EGFLAM: variants seen among roughly 807,000 people sequenced by gnomAD.
EGFLAM encodes the protein pikachurin.
Under a neutral mutation model 113.1 loss-of-function variants are expected in EGFLAM, and 79 were observed. The observed-to-expected ratio is 0.70, with a 90% CI of 0.58 to 0.84. The LOEUF is 0.84. Ranked by LOEUF, EGFLAM falls within the 40% of genes least tolerant of loss-of-function variation. The probability of loss-of-function intolerance (pLI) is 0.00; values close to 1 mark genes in which losing one functional copy is unlikely to be tolerated. For missense variants in EGFLAM, 1,265 were observed against 1,291.6 expected (o/e 0.98, Z 0.32); for synonymous variants, 504 against 487.6 (o/e 1.03, Z -0.44).
intron 1 of EGFLAM, among the ~76,000 whole-genome samples, chr5:38,329,387 C>A (rs1425035030): frequency 6.6e-6 from 1 of 151,962 alleles, no homozygotes; most frequent in Non-Finnish European, 1.5e-5. Flanking sequence ...AATTTGAGAT[C>A]CCATATTTAA....
intron 1 of EGFLAM, among the ~76,000 whole-genome samples, chr5:38,291,874 G>T (rs10052389): frequency 2.0e-5 from 3 of 152,182 alleles, no homozygotes; most frequent in Admixed American, 2.0e-4. Flanking sequence ...GCTCTTCCTC[G>T]CTTACATGTT....
chr5:38,404,758 G>A (rs2112121537), intron 6 of EGFLAM, among the ~76,000 whole-genome samples: 1 of 152,262 alleles, frequency 6.6e-6, no homozygotes, highest in South Asian at 2.1e-4. Flanking sequence ...CTAAAGGCTG[G>A]TGCCTGGCTT....
At chr5:38,454,633 C>T (rs1389239953) in intron 19 of EGFLAM, among the ~76,000 whole-genome samples, 3 of 152,030 alleles carry the variant, frequency 2.0e-5, no homozygotes, top group African/African-American at 7.2e-5. Context: ...AGTCACGGGC[C>T]CTGCGCCCAA....
chr5:38,422,460 G>A (rs1044738534), intron 12 of EGFLAM, among the ~76,000 whole-genome samples: 1 of 152,266 alleles, frequency 6.6e-6, no homozygotes, highest in Non-Finnish European at 1.5e-5. Context: ...TTTTGGCACT[G>A]CAGCCCCCTT....
intron 17 of EGFLAM, among the ~76,000 whole-genome samples, chr5:38,441,951 T>C (rs1463067669): frequency 6.6e-6 from 1 of 152,086 alleles, no homozygotes; most frequent in Non-Finnish European, 1.5e-5. Context: ...ACAGAGCCAA[T>C]AGCTGTTGAG....
intron 2 of EGFLAM, 73 bp downstream of exon 2, chr5:38,337,702 T>C: frequency 1.6e-6 from 2 of 1,272,054 alleles, no homozygotes; most frequent in Non-Finnish European, 1.1e-6. Context: ...TCCTTGCTTT[T>C]TCTAGATATC....
Position 38,441,593 on chromosome 5 carries a change from TACAC to T in EGFLAM, c.2464+3165_2464+3168del, listed in dbSNP as rs3048229. Among the ~76,000 whole-genome samples, 224 of 147,594 alleles carry T rather than the reference TACAC, an allele frequency of 1.5e-3. 2 individuals are homozygous for T. The highest frequency in any genetic ancestry group is 0.014 in the East Asian group (72 of 5,014). The stretch of plus-strand genomic sequence containing the variant: ...CTGAGGAATATGAATCGCTGCTTTG[TACAC>T]ACACACACACACACACACACACACA... On this transcript the variant is annotated intron_variant, in intron 17 of 21. Coordinates refer to ENST00000322350, the MANE Select transcript of EGFLAM (RefSeq NM_152403.4).
chr5:38,298,790 T>A (rs1579742617), intron 1 of EGFLAM, among the ~76,000 whole-genome samples: 2 of 152,180 alleles, frequency 1.3e-5, no homozygotes, highest in South Asian at 4.2e-4. Flanking sequence ...AGTGTCAACC[T>A]CCTGGGCTCA....
intron 6 of EGFLAM, among the ~76,000 whole-genome samples, chr5:38,383,669 A>T (rs1166472715): frequency 2.0e-5 from 3 of 152,208 alleles, no homozygotes; most frequent in Admixed American, 2.0e-4. Flanking sequence ...ATAAGTCTGT[A>T]TCACATTATA....
In EGFLAM at chr5:38,409,078, T is replaced by G; in HGVS notation, c.1323T>G (p.Ala441=). 1 of 1,588,608 alleles carries G rather than the reference T, an allele frequency of 6.3e-7. No homozygotes were observed. Among genetic ancestry groups the G allele is most frequent in the Non-Finnish European group, 8.6e-7 (1 of 1,165,816 alleles). Residue 441 remains alanine (A), a synonymous_variant, in exon 10 of 22, where the codon GCT becomes GCG. Coordinates refer to ENST00000322350, the MANE Select transcript of EGFLAM (RefSeq NM_152403.4). ...EHGRGDFMSL[A]IIRRSLQFRF... ...GGAGGGGGGATTTCATGTCCCTGGC[T>G]ATCATCCGACGCTCCCTGCAGTTCA... is the stretch of plus-strand genomic sequence containing the variant.
At chr5:38,343,638 A>G (rs531756557) in intron 3 of EGFLAM, among the ~76,000 whole-genome samples, 1 of 152,206 alleles carries the variant, frequency 6.6e-6, no homozygotes, top group South Asian at 2.1e-4. Flanking sequence ...AAATCCTTAC[A>G]ACTCCTCCCT....
intron 5 of EGFLAM, among the ~76,000 whole-genome samples, chr5:38,368,729 T>A (rs1407954135): frequency 6.6e-6 from 1 of 152,080 alleles, no homozygotes. Flanking sequence ...CACTCCCCCT[T>A]TTCATCCAGT....
intron 3 of EGFLAM, among the ~76,000 whole-genome samples, chr5:38,340,535 C>T (rs1739308145): frequency 6.6e-6 from 1 of 152,176 alleles, no homozygotes; most frequent in African/African-American, 2.4e-5. Flanking sequence ...AGGCAGCTTT[C>T]AGTCTTCTGA....
rs192072035 is a variant in EGFLAM at position 38,269,410 on chromosome 5, C to A, written c.97+10559C>A. 2.0e-5 allele frequency among the ~76,000 whole-genome samples: 3 copies of A among 152,084 alleles called. No individual in the cohort carries two copies. In the East Asian group the frequency reaches 5.8e-4, roughly 29 times the overall value. On this transcript the variant is annotated intron_variant, in intron 1 of 21. Transcript: ENST00000322350. ...AAAATCTTTTTTTTAGACACCACAG[C>A]CTTCTTTGATGAAGATGAAGATGCT...
chr5:38,269,069 C>T (rs1757700861), intron 1 of EGFLAM, among the ~76,000 whole-genome samples: 1 of 152,102 alleles, frequency 6.6e-6, no homozygotes, highest in Non-Finnish European at 1.5e-5. Flanking sequence ...GTCCCAGCTA[C>T]TCAGGAGGCT....
intron 14 of EGFLAM, among the ~76,000 whole-genome samples, chr5:38,428,712 G>T (rs887027435): frequency 6.6e-6 from 1 of 152,216 alleles, no homozygotes; most frequent in African/African-American, 2.4e-5. Context: ...GGCAGCTCCA[G>T]CTGTGGGGTC....
intron 3 of EGFLAM, among the ~76,000 whole-genome samples, chr5:38,350,106 A>G (rs982167271): frequency 6.6e-6 from 1 of 152,206 alleles, no homozygotes; most frequent in Admixed American, 6.5e-5. Context: ...CTCAGTGTGC[A>G]GCTGCAGCTA....
chr5:38,432,618 A>G (rs553253725), intron 15 of EGFLAM, among the ~76,000 whole-genome samples: 2 of 152,384 alleles, frequency 1.3e-5, no homozygotes, highest in African/African-American at 4.8e-5. Flanking sequence ...GGACAGAATT[A>G]GAAGCTCACG....
At chr5:38,342,918 T>C (rs1053816449) in intron 3 of EGFLAM, among the ~76,000 whole-genome samples, 7 of 152,172 alleles carry the variant, frequency 4.6e-5, no homozygotes, top group Admixed American at 2.0e-4. Flanking sequence ...TGTTTTCTTC[T>C]GGCATCTCAG....
Sources: allele counts gnomAD v4.1 joint callset (sites outside exome capture counted in the v4.1 genomes callset), GRCh38; gene constraint gnomAD v4.1.1; transcripts MANE v1.5; gene names NCBI Gene and HGNC (gene_info 2026-07-23, HGNC 2026-07-21).